Variants in DOCK3 observed in about 807,000 individuals in gnomAD.
DOCK3 encodes dedicator of cytokinesis protein 3.
A neutral mutation model predicts 265.6 loss-of-function variants in DOCK3; 60 were observed. The ratio of observed to expected loss-of-function variants is 0.23; its 90% confidence interval spans 0.18 to 0.28. The LOEUF is 0.28. Ranked by LOEUF, DOCK3 falls within the 10% of genes least tolerant of loss-of-function variation. The pLI, the probability that DOCK3 is intolerant of heterozygous loss-of-function variation, is 1.00. For synonymous variants in DOCK3, 881 were observed against 938.0 expected (o/e 0.94, Z 1.11); for missense variants, 1,981 against 2,594.3 (o/e 0.76, Z 5.14).
At chr3:50,857,397 T>G (rs1208450623) in intron 3 of DOCK3, among the ~76,000 whole-genome samples, 1 of 152,202 alleles carries the variant, frequency 6.6e-6, no homozygotes, top group African/African-American at 2.4e-5. Flanking sequence ...TGATTCAATC[T>G]TGGGAGATTC....
chr3:50,747,203 A>G (rs1260572329), intron 1 of DOCK3, among the ~76,000 whole-genome samples: 1 of 152,218 alleles, frequency 6.6e-6, no homozygotes, highest in Non-Finnish European at 1.5e-5. Flanking sequence ...GTACCACACT[A>G]TTTTGATTAT....
rs749996042 is a variant in DOCK3 at position 51,374,614 on chromosome 3, C to G, written c.5412+27C>G. The G allele has an allele frequency of 2.5e-6, 4 of 1,579,962 alleles. No homozygotes were observed. In the East Asian group the frequency reaches 9.2e-5, roughly 36 times the overall value. ...TAATAGACCCACCACACTGACTGTCCTCTGCTGCAAGTGTGTTAGCCTGTG... is the reference window on the plus strand; with the variant it reads ...TAATAGACCCACCACACTGACTGTCGTCTGCTGCAAGTGTGTTAGCCTGTG... On this transcript the variant is annotated intron_variant, in intron 50 of 52. Transcript: ENST00000266037. The surrounding 1 kb of genome is among the most constrained non-coding windows in gnomAD (Gnocchi z 4.8).
intron 1 of DOCK3, among the ~76,000 whole-genome samples, chr3:50,678,389 T>C (rs1317927627): frequency 1.3e-5 from 2 of 152,200 alleles, no homozygotes; most frequent in African/African-American, 4.8e-5. Context: ...GAAACACCTG[T>C]CTTTCCCTAT....
At chr3:51,079,607 C>T (rs1044444887) in intron 7 of DOCK3, among the ~76,000 whole-genome samples, 6 of 152,086 alleles carry the variant, frequency 3.9e-5, no homozygotes, top group South Asian at 2.1e-4. Flanking sequence ...CCCACCTTGG[C>T]CTCCCAAAAT....
chr3:51,343,361 C>G (rs2085359623), intron 38 of DOCK3, among the ~76,000 whole-genome samples: 1 of 152,188 alleles, frequency 6.6e-6, no homozygotes, highest in Non-Finnish European at 1.5e-5. Flanking sequence ...CCATGTAGGG[C>G]TAAAGATGCC....
At position 50,951,096 on chromosome 3, in the gene DOCK3, A is replaced by T. The variant is rs1428901336; in HGVS notation, c.315+17019A>T. Among the ~76,000 whole-genome samples, 6 of 152,154 alleles carry T rather than the reference A, an allele frequency of 3.9e-5. No homozygotes were observed. In the East Asian group the frequency reaches 1.2e-3, roughly 29 times the overall value. On this transcript the variant is annotated intron_variant, in intron 5 of 52. Transcript: ENST00000266037. ...ATTAAGAAGTAGCCCTCATTTATTG[A>T]TGATTTACTACAGACACAGCACTTT...
At chr3:50,938,306 G>T (rs2051503174) in intron 5 of DOCK3, among the ~76,000 whole-genome samples, 1 of 151,982 alleles carries the variant, frequency 6.6e-6, no homozygotes, top group Non-Finnish European at 1.5e-5. Context: ...GGAGAAAAGA[G>T]AAAAAAGTCA....
At chr3:50,935,894 T>C (rs373363604) in intron 5 of DOCK3, among the ~76,000 whole-genome samples, 3 of 152,324 alleles carry the variant, frequency 2.0e-5, no homozygotes, top group South Asian at 4.1e-4. Flanking sequence ...CGGAGTGTCA[T>C]AGTATAATAA....
In DOCK3 at chr3:51,247,051, C is replaced by G. The variant is rs193029544; in HGVS notation, c.2184+244C>G. ...TGCACATGGCTCCTGGCTATCCTCC[C>G]CTGCCTGATTGTTACCCATAGTATC... On this transcript the variant is annotated intron_variant, in intron 22 of 52. Coordinates refer to ENST00000266037, the MANE Select transcript of DOCK3 (RefSeq NM_004947.5). Among the ~76,000 whole-genome samples the G allele has an allele frequency of 1.9e-3, 284 of 152,284 alleles. 2 individuals are homozygous for G. Among genetic ancestry groups the G allele is most frequent in the African/African-American group, 6.5e-3 (269 of 41,558 alleles).
intron 27 of DOCK3, among the ~76,000 whole-genome samples, chr3:51,296,546 G>T (rs958990012): frequency 6.7e-6 from 1 of 148,906 alleles, no homozygotes; most frequent in Non-Finnish European, 1.5e-5. Context: ...GCGCGATCTC[G>T]GCTCACTGCA....
chr3:50,875,563 T>C (rs2047663804), intron 3 of DOCK3, among the ~76,000 whole-genome samples: 2 of 152,168 alleles, frequency 1.3e-5, no homozygotes, highest in Non-Finnish European at 1.5e-5. Flanking sequence ...AATGATGATA[T>C]GGGTTTTGTC....
In DOCK3 at chr3:51,312,874, T is replaced by C; in HGVS notation, c.3225T>C (p.Tyr1075=). Residue 1075 remains tyrosine, a synonymous_variant, in exon 31 of 53, where the codon TAT becomes TAC. Transcript: ENST00000266037. ...GGGACATGCGTGTAATGATGGCCTATGAACTGTTCAGCATGTGGCAGAATT... is the reference window on the plus strand; with the variant it reads ...GGGACATGCGTGTAATGATGGCCTACGAACTGTTCAGCATGTGGCAGAATT... The part of the protein sequence containing the change: ...KYGDMRVMMA[Y]ELFSMWQNLG... 3 of 1,610,832 alleles carry C rather than the reference T, an allele frequency of 1.9e-6. No homozygotes were observed. Among genetic ancestry groups the C allele is most frequent in the Non-Finnish European group, 2.5e-6 (3 of 1,178,534 alleles).
chr3:51,338,858 CG>C, intron 36 of DOCK3, 76 bp from the exon 37 acceptor site: 1 of 1,282,338 alleles, frequency 7.8e-7, no homozygotes. Flanking sequence ...AGCACACCCA[CG>C]GCTATGGCCA....
intron 29 of DOCK3, 122 bp from the exon 30 acceptor site, chr3:51,312,354 G>GA (rs1054655804): frequency 3.3e-5 from 32 of 978,654 alleles, no homozygotes; most frequent in African/African-American, 1.2e-4. Context: ...ATTTAAAAGG[G>GA]AAAAAAAATG....
At chr3:51,164,090 G>A (rs866837206) in intron 12 of DOCK3, among the ~76,000 whole-genome samples, 2 of 152,158 alleles carry the variant, frequency 1.3e-5, no homozygotes, top group Non-Finnish European at 2.9e-5. Context: ...TGAGGCACAA[G>A]ATGATACCGC....
At chr3:50,823,385 C>G (rs2044568017) in intron 2 of DOCK3, among the ~76,000 whole-genome samples, 1 of 152,174 alleles carries the variant, frequency 6.6e-6, no homozygotes, top group Non-Finnish European at 1.5e-5. Flanking sequence ...AGCATGCTGT[C>G]TTCAAGCATC....
At chr3:50,896,041 T>C (rs2048879378) in intron 4 of DOCK3, among the ~76,000 whole-genome samples, 1 of 152,158 alleles carries the variant, frequency 6.6e-6, no homozygotes, top group Non-Finnish European at 1.5e-5. Context: ...TACCCAGTAA[T>C]GGGATTGCTG....
At chr3:51,007,956 C>G (rs377638066) in intron 5 of DOCK3, among the ~76,000 whole-genome samples, 2 of 152,176 alleles carry the variant, frequency 1.3e-5, no homozygotes, top group East Asian at 1.9e-4. Context: ...ATTTCTGAGG[C>G]CTCCATTCTG....
chr3:50,904,593 C>T (rs944169890), intron 4 of DOCK3, among the ~76,000 whole-genome samples: 11 of 152,162 alleles, frequency 7.2e-5, no homozygotes, highest in Non-Finnish European at 2.9e-5. Context: ...ATCCTTTGCC[C>T]ACTTTGTGAT....
Sources: gnomAD v4.1 joint callset for allele counts (sites outside exome capture counted in the v4.1 genomes callset) on GRCh38, gnomAD v4.1.1 for gene constraint, Gnocchi (gnomAD v3.1) non-coding constraint, MANE v1.5 for transcripts, NCBI Gene and HGNC (gene_info 2026-07-23, HGNC 2026-07-21) for gene names.